The following MED16 variants were observed in gnomAD, a reference collection of about 807,000 sequenced individuals.
The protein encoded by MED16 is mediator complex subunit 16, also known as mediator of RNA polymerase II transcription subunit 16.
MED16 carries 81 observed loss-of-function variants against 84.4 expected under a neutral mutation model. The ratio of observed to expected loss-of-function variants is 0.96; its 90% confidence interval spans 0.80 to 1.15. The LOEUF (loss-of-function observed/expected upper bound fraction) is 1.15, where lower values mean the gene tolerates loss of function less well. Among genes scored for constraint, MED16 ranks in the 50% most tolerant of loss-of-function variants. The pLI is 0.00. For synonymous variants in MED16, 897 were observed against 552.2 expected, an observed-to-expected ratio of 1.62 and a Z score of -8.76; for missense variants, 1,585 against 1,245.9, an observed-to-expected ratio of 1.27 and a Z score of -4.10.
rs541707898 is a variant in MED16, at chr19:871,990, G to C, written c.2034C>G (p.Ala678=). Residue 678 remains alanine, a synonymous_variant, in exon 12 of 16, where the codon GCC becomes GCG. Coordinates refer to ENST00000325464, the MANE Select transcript of MED16 (RefSeq NM_005481.3). Reference sequence around the variant, plus strand: ...ACATGCTGTCCTGGGTATCCGAGGTGGCCGTATACACGGGCAGGCAGCTGG... The same window carrying C: ...ACATGCTGTCCTGGGTATCCGAGGTCGCCGTATACACGGGCAGGCAGCTGG... ...LKPSCLPVYT[A]TSDTQDSMSL... The C allele has an allele frequency of 1.7e-5, 27 of 1,609,350 alleles. No individual in the cohort carries two copies. In the South Asian group the frequency reaches 2.9e-4, roughly 17 times the overall value.
chr19:889,052 C>T (rs2036579119), intron 4 of MED16, among the ~76,000 whole-genome samples: 1 of 75,040 alleles, frequency 1.3e-5, no homozygotes, highest in African/African-American at 5.2e-5. Flanking sequence ...TCTTAACTGT[C>T]CCCCCCAACC....
chr19:881,506 A>G, intron 7 of MED16, 53 bp downstream of exon 7: 3 of 1,563,114 alleles, frequency 1.9e-6, no homozygotes, highest in Non-Finnish European at 2.6e-6. Flanking sequence ...TCAGGGCCCA[A>G]CTCCCCTGGT....
Position 890,316 on chromosome 19 carries a change from G to A in MED16, c.170-72C>T, listed in dbSNP as rs576104521. On this transcript the variant is annotated intron_variant, in intron 2 of 15. Transcript: ENST00000325464. ...AGACGATGACGATGACTCCAGGCAG[G>A]CTCCAGGTAAGCCGGTGTGTGTCCC... is the stretch of plus-strand genomic sequence containing the variant. 4 of 1,113,866 alleles carry A rather than the reference G, an allele frequency of 3.6e-6. No individual in the cohort carries two copies. In the Admixed American group the frequency reaches 1.1e-4, roughly 31 times the overall value. 69.0% of individuals were successfully genotyped at this position (1,113,866 alleles called of 1,614,324 possible). A position where few individuals can be genotyped will look rare whatever the true frequency, so the allele number is the denominator to read the frequency against.
At chr19:885,452 T>C (rs990423762) in intron 5 of MED16, among the ~76,000 whole-genome samples, 10 of 150,784 alleles carry the variant, frequency 6.6e-5, no homozygotes, top group African/African-American at 2.0e-4. Context: ...GGAGAGCACG[T>C]TGGGGGGGGT....
Position 891,127 on chromosome 19 carries a change from C to A in MED16, c.5G>T (p.Cys2Phe), listed in dbSNP as rs756658898. 4 of 1,611,986 alleles carry A rather than the reference C, an allele frequency of 2.5e-6. No individual in the cohort carries two copies. Among genetic ancestry groups the A allele is most frequent in the Non-Finnish European group, 3.4e-6 (4 of 1,179,030 alleles). The change falls in exon 2 of 16, where the codon TGT becomes TTT. Residue 2 changes from cysteine (C) to phenylalanine (F), a missense_variant. By Grantham distance (205) the Cys-to-Phe change is radical. Coordinates refer to ENST00000325464, the MANE Select transcript of MED16 (RefSeq NM_005481.3). ...ACCTGCCGCTGGCCGCCGCAAATCA[C>A]ACATGAGGGCAGTCACCAGCTCCTG... is the stretch of plus-strand genomic sequence containing the variant. The part of the protein sequence containing the change: M[C>F]DLRRPAAGGM...
rs899421492 is a variant in MED16, at chr19:870,092, C to G, written c.2315+945G>C. ...GCCCTGCAAGGTGACCTCTTGCCCC[C>G]GGGAGATCCTCCTGATGAGGTGTCT... On this transcript the variant is annotated intron_variant, in intron 13 of 15. Transcript: ENST00000325464. Among the ~76,000 whole-genome samples, 8 of 152,304 alleles carry G rather than the reference C, an allele frequency of 5.3e-5. No individual in the cohort carries two copies. In the South Asian group the frequency reaches 1.2e-3, roughly 24 times the overall value.
intron 4 of MED16, 23 bp downstream of exon 4, chr19:889,615 G>A (rs373688060): frequency 1.9e-5 from 30 of 1,592,688 alleles, no homozygotes; most frequent in South Asian, 3.3e-5. Flanking sequence ...TGCCTCATCC[G>A]CTCACTCGGG....
chr19:892,932 CCCCGCG>C (rs1185099243), intron 1 of MED16, 148 bp downstream of exon 1: 2 of 148,954 alleles, frequency 1.3e-5, no homozygotes, highest in East Asian at 2.0e-4. Context: ...GCGCCCCGCG[CCCCGCG>C]CCCCAGGCCG....
intron 9 of MED16, among the ~76,000 whole-genome samples, chr19:875,788 A>C (rs1020696788): frequency 1.1e-4 from 17 of 152,104 alleles, no homozygotes; most frequent in Non-Finnish European, 2.1e-4. Context: ...CCCCCATCCC[A>C]GAGGCTGCTC....
At chr19:871,578 C>T (rs1004735489) in intron 12 of MED16, 2 of 1,595,320 alleles carry the variant, frequency 1.3e-6, no homozygotes, top group East Asian at 2.2e-5. Flanking sequence ...TACACACAAC[C>T]CGACAAGGAG....
At chr19:885,588 C>T (rs555719644) in intron 5 of MED16, among the ~76,000 whole-genome samples, 182 bp downstream of exon 5, 5 of 152,230 alleles carry the variant, frequency 3.3e-5, no homozygotes, top group Admixed American at 6.5e-5. Context: ...AGGGATTGGG[C>T]GCCTCCAGAT....
At chr19:870,053 A>G (rs2145187558) in intron 13 of MED16, among the ~76,000 whole-genome samples, 1 of 152,250 alleles carries the variant, frequency 6.6e-6, no homozygotes, top group East Asian at 1.9e-4. Flanking sequence ...ATTCCAGAGA[A>G]AGGCCAGCCC....
rs774840053 is a variant in MED16 at position 875,336 on chromosome 19, A to AG, written c.1678dup (p.Leu560ProfsTer14). 1.2e-6 allele frequency: 2 copies of AG among 1,610,060 alleles called. No homozygotes were observed. The highest frequency in any genetic ancestry group is 3.3e-5 in the Admixed American group (2 of 59,958). On this transcript the variant is annotated frameshift_variant, in exon 10 of 16. Coordinates refer to ENST00000325464, the MANE Select transcript of MED16 (RefSeq NM_005481.3). LOFTEE classifies it high-confidence loss of function. Reference sequence around the variant, plus strand: ...AAAGTGGGGGCGCAGCAGCGACTTCAGGGTGGAGCTGATGGCGATGAGGAA... The same window carrying AG: ...AAAGTGGGGGCGCAGCAGCGACTTCAGGGGTGGAGCTGATGGCGATGAGGAA...
At position 871,044 on chromosome 19, in the gene MED16, G is replaced by C. The variant is rs34859566; in HGVS notation, c.2308C>G (p.Leu770Val). The C allele has an allele frequency of 6.5e-7, 1 of 1,542,624 alleles. No homozygotes were observed. Among genetic ancestry groups the C allele is most frequent in the Non-Finnish European group, 8.8e-7 (1 of 1,142,048 alleles). ...ATGCAGGGACACACGCACCTGGCGA[G>C]GCCGTCGAGCTGCAGGGTGGCAGCA... ...GSAATLQLDG[L>V]ARAPGQPKID... Residue 770 changes from leucine to valine, a missense_variant, in exon 13 of 16, where the codon CTC becomes GTC. Physicochemically the swap from Leu to Val is conservative, Grantham distance 32. Transcript: ENST00000325464.
rs150470824 is a variant in MED16 at position 880,075 on chromosome 19, G to A, written c.1215C>T (p.Phe405=). The A allele has an allele frequency of 2.5e-6, 4 of 1,610,954 alleles. No homozygotes were observed. In the African/African-American group the frequency reaches 4.0e-5, roughly 16 times the overall value. Residue 405 remains phenylalanine, a synonymous_variant, in exon 8 of 16, where the codon TTC becomes TTT. Transcript: ENST00000325464. ...HRLSLQTMAV[F]YSSAAPRPVD... ...CAGGCCTCGGGGCCGCGGAGCTGTAGAAGACGGCCATGGTCTGCAGTGAGA... is the reference window on the plus strand; with the variant it reads ...CAGGCCTCGGGGCCGCGGAGCTGTAAAAGACGGCCATGGTCTGCAGTGAGA...
In MED16 at chr19:884,894, G is replaced by A. The variant is rs564929111; in HGVS notation, c.985+9C>T. On this transcript the variant is annotated intron_variant, in intron 6 of 15. Coordinates refer to ENST00000325464, the MANE Select transcript of MED16 (RefSeq NM_005481.3). ...GGCCCAGGGCCTCCGCAGCCGGCGG[G>A]AGACTCACCCACGGGGGAGATCTGC... 2 of 1,599,854 alleles carry A rather than the reference G, an allele frequency of 1.3e-6. No individual in the cohort carries two copies. Among genetic ancestry groups the A allele is most frequent in the East Asian group, 2.2e-5 (1 of 44,528 alleles).
intron 4 of MED16, among the ~76,000 whole-genome samples, chr19:887,310 C>T (rs2036546318): frequency 6.6e-6 from 1 of 152,118 alleles, no homozygotes; most frequent in Non-Finnish European, 1.5e-5. Context: ...CTGTGTGGGT[C>T]GCAGGCTGGC....
At position 890,295 on chromosome 19, in the gene MED16, G is replaced by A. The variant is rs73505588; in HGVS notation, c.170-51C>T. On this transcript the variant is annotated intron_variant, in intron 2 of 15. Coordinates refer to ENST00000325464, the MANE Select transcript of MED16 (RefSeq NM_005481.3). ...CGGCCTGGCACCACAGCCTGCAGAC[G>A]ATGACGATGACTCCAGGCAGGCTCC... is the stretch of plus-strand genomic sequence containing the variant. 4,922 of 1,260,806 alleles carry A rather than the reference G, an allele frequency of 3.9e-3. 127 individuals carry two copies. In the African/African-American group the frequency reaches 0.065, roughly 17 times the overall value. 78.1% of individuals were successfully genotyped at this position (1,260,806 alleles called of 1,614,324 possible).
chr19:869,115 G>A lies in MED16; in HGVS notation c.2316-169C>T, dbSNP rs377712696. ...AGGTGGGAGGTGCGGGACCACCTGA[G>A]ACAGGCCCAGTAAAGGGGGCGGGAC... is the stretch of plus-strand genomic sequence containing the variant. On this transcript the variant is annotated intron_variant, in intron 13 of 15. Transcript: ENST00000325464. 1.7e-4 allele frequency among the ~76,000 whole-genome samples: 26 copies of A among 152,280 alleles called. No individual in the cohort carries two copies. In the East Asian group the frequency reaches 4.8e-3, roughly 28 times the overall value.
Sources: gnomAD v4.1 joint callset for allele counts (sites outside exome capture counted in the v4.1 genomes callset) on GRCh38, gnomAD v4.1.1 for gene constraint, MANE v1.5 for transcripts, NCBI Gene and HGNC (gene_info 2026-07-23, HGNC 2026-07-21) for gene names.